SPEN: variants seen among roughly 807,000 people sequenced by gnomAD.
SPEN encodes the protein spen family transcriptional repressor, also known as msx2-interacting protein.
A neutral mutation model predicts 269.9 loss-of-function variants in SPEN; 18 were observed. That is an observed-to-expected ratio of 0.07 (90% confidence interval 0.05 to 0.10). The LOEUF is 0.10. Ranked by LOEUF, SPEN falls within the 10% of genes least tolerant of loss-of-function variation. The probability of loss-of-function intolerance (pLI) is 1.00; values close to 1 mark genes in which losing one functional copy is unlikely to be tolerated. For synonymous variants in SPEN, 1,726 were observed against 1,765.7 expected, an observed-to-expected ratio of 0.98 and a Z score of 0.56; for missense variants, 3,822 against 4,631.2, an observed-to-expected ratio of 0.83 and a Z score of 5.07.
chr1:15,931,930 G>A lies in SPEN; in HGVS notation c.5690G>A (p.Ser1897Asn), dbSNP rs951131089. The A allele has an allele frequency of 6.2e-7, 1 of 1,614,090 alleles. No individual in the cohort carries two copies. Among genetic ancestry groups the A allele is most frequent in the African/African-American group, 1.3e-5 (1 of 74,928 alleles). The change falls in exon 11 of 15, where the codon AGC becomes AAC. Residue 1897 changes from serine to asparagine, a missense_variant. By Grantham distance (46) the Ser-to-Asn change is conservative. Around this residue, in one of 16 missense-constraint regions of SPEN, gnomAD observed 533 missense variants for 618.8 expected, o/e 0.86. Transcript: ENST00000375759. This position sits in a 1 kb window ranked among gnomAD's most constrained non-coding sequence, Gnocchi z 4.8. ...LEHPEPSLPLSRTRRRNVRSV... is the reference protein window; with the variant it reads ...LEHPEPSLPLNRTRRRNVRSV... ...CATCCCGAACCAAGTTTGCCTCTCAGCCGAACAAGGCGCCGGAATGTAAGG... is the reference window on the plus strand; with the variant it reads ...CATCCCGAACCAAGTTTGCCTCTCAACCGAACAAGGCGCCGGAATGTAAGG...
chr1:15,874,491 T>G, intron 2 of SPEN: 1 of 926,692 alleles, frequency 1.1e-6, no homozygotes, highest in Non-Finnish European at 1.5e-6. Context: ...TTAGTACTAA[T>G]AGTGAATCAG....
At chr1:15,869,345 CG>C (rs1328603021) in intron 1 of SPEN, among the ~76,000 whole-genome samples, 1 of 152,066 alleles carries the variant, frequency 6.6e-6, no homozygotes, top group Non-Finnish European at 1.5e-5. Flanking sequence ...TGTGAGCCAC[CG>C]TGCCCGGCCC....
chr1:15,858,253 A>AG (rs2070406996), intron 1 of SPEN, among the ~76,000 whole-genome samples: 2 of 2,758 alleles, frequency 7.3e-4, no homozygotes, highest in Non-Finnish European at 2.4e-3. Flanking sequence ...TGGGCCCAGC[A>AG]AAAAAAAAAA....
chr1:15,920,883 G>A lies in SPEN; in HGVS notation c.1649G>A (p.Arg550His), dbSNP rs772371033. 1.1e-4 allele frequency: 174 copies of A among 1,606,746 alleles called. No homozygotes were observed. The highest frequency in any genetic ancestry group is 1.3e-4 in the Non-Finnish European group (155 of 1,176,888). The part of the protein sequence containing the change: ...YGPVVKVVFD[R>H]LKGMALVLYN... The stretch of plus-strand genomic sequence containing the variant: ...TTTGTTTTACAGGTGGTGTTTGACC[G>A]CTTAAAAGGCATGGCCCTGGTTCTC... Residue 550 changes from arginine (R) to histidine (H), a missense_variant, in exon 9 of 15, where the codon CGC becomes CAC. Transcript: ENST00000375759.
intron 5 of SPEN, among the ~76,000 whole-genome samples, chr1:15,914,830 A>G (rs554671273): frequency 2.6e-5 from 4 of 152,274 alleles, no homozygotes; most frequent in African/African-American, 9.6e-5. Context: ...ATCTCAAAGA[A>G]AAAAAAGAAG....
intron 3 of SPEN, among the ~76,000 whole-genome samples, chr1:15,877,666 G>A (rs1016001195): frequency 1.3e-5 from 2 of 151,708 alleles, no homozygotes; most frequent in South Asian, 4.1e-4. Context: ...TCACAGATCT[G>A]GGTATGTGGT....
intron 1 of SPEN, among the ~76,000 whole-genome samples, chr1:15,852,301 C>G (rs938800825): frequency 6.6e-6 from 1 of 152,080 alleles, no homozygotes; most frequent in Non-Finnish European, 1.5e-5. Flanking sequence ...ACCCCCATCC[C>G]GTCTATGAAA....
At chr1:15,886,588 G>A (rs2070738481) in intron 3 of SPEN, among the ~76,000 whole-genome samples, 1 of 152,190 alleles carries the variant, frequency 6.6e-6, no homozygotes, top group African/African-American at 2.4e-5. Flanking sequence ...TAGCCAGGGT[G>A]AACGCCCGAC....
In SPEN at chr1:15,930,597, T is replaced by C; in HGVS notation, c.4357T>C (p.Ser1453Pro). Residue 1453 changes from serine to proline, a missense_variant, in exon 11 of 15, where the codon TCC (serine) becomes CCC (proline). Ser to Pro is a moderately conservative substitution (Grantham distance 74). Coordinates refer to ENST00000375759, the MANE Select transcript of SPEN (RefSeq NM_015001.3). The surrounding 1 kb of genome is among the most constrained non-coding windows in gnomAD (Gnocchi z 5.3). ...DTKALLERAK[S>P]LSSSREENWS... is the part of the protein sequence containing the mutation. ...TAAAGCTTTGCTTGAAAGAGCTAAATCCCTCTCTTCATCTCGTGAAGAAAA... is the reference window on the plus strand; with the variant it reads ...TAAAGCTTTGCTTGAAAGAGCTAAACCCCTCTCTTCATCTCGTGAAGAAAA... The C allele has an allele frequency of 6.2e-7, 1 of 1,614,154 alleles. No homozygotes were observed. Among genetic ancestry groups the C allele is most frequent in the Non-Finnish European group, 8.5e-7 (1 of 1,179,992 alleles).
chr1:15,877,554 G>A (rs1311556645), intron 3 of SPEN, among the ~76,000 whole-genome samples: 6 of 152,082 alleles, frequency 3.9e-5, no homozygotes, highest in Admixed American at 3.3e-4. Flanking sequence ...GCATGAGCCA[G>A]AGTGCCCAGC....
chr1:15,909,718 A>G (rs2070993554), intron 4 of SPEN, among the ~76,000 whole-genome samples: 1 of 152,226 alleles, frequency 6.6e-6, no homozygotes, highest in Admixed American at 6.5e-5. Flanking sequence ...TTACTCCTAC[A>G]TTGGTCATGT....
At chr1:15,936,734 C>T (rs955966734) in intron 11 of SPEN, among the ~76,000 whole-genome samples, 1 of 151,996 alleles carries the variant, frequency 6.6e-6, no homozygotes, top group African/African-American at 2.4e-5. Context: ...GTCAGGAGTT[C>T]AAGACCAGCT....
intron 3 of SPEN, among the ~76,000 whole-genome samples, chr1:15,877,738 CTTTTTTTTTTTTT>C (rs777782248): frequency 7.5e-5 from 8 of 106,836 alleles, no homozygotes; most frequent in South Asian, 6.2e-4. Context: ...TCAGCTTTCC[CTTTTTTTTTTTTT>C]TTTTTTTTTT....
At chr1:15,938,654 G>T in intron 13 of SPEN, 64 bp from the exon 14 acceptor site, 3 of 1,530,870 alleles carry the variant, frequency 2.0e-6, no homozygotes, top group Non-Finnish European at 2.7e-6. Flanking sequence ...GATACTGTGG[G>T]TTGGATGTGG....
In SPEN at chr1:15,922,245, A is replaced by T. The variant is rs746134185; in HGVS notation, c.1750-4A>T. The T allele has an allele frequency of 4.2e-4, 621 of 1,471,466 alleles. No homozygotes were observed. Among genetic ancestry groups the T allele is most frequent in the Admixed American group, 8.5e-4 (40 of 46,912 alleles). 91.2% of individuals were successfully genotyped at this position (1,471,466 alleles called of 1,614,324 possible). A position where few individuals can be genotyped will look rare whatever the true frequency, so the allele number is the denominator to read the frequency against. On this transcript the variant is annotated splice_region_variant and splice_polypyrimidine_tract_variant and intron_variant, in intron 9 of 14. Coordinates refer to ENST00000375759, the MANE Select transcript of SPEN (RefSeq NM_015001.3). ...GCATCAAACACCTCTTTTTTTTTTT[A>T]AAGGTGGATTTTGCAAATCGGGAAA...
chr1:15,932,246 T>A lies in SPEN; in HGVS notation c.6006T>A (p.Asn2002Lys). ...GACCCCAAGGGAAAAAGGGAAAAAA[T>A]GAACCGAAGGTGGATGCTACACGTC... is the stretch of plus-strand genomic sequence containing the variant. ...GGGPQGKKGK[N>K]EPKVDATRPE... Residue 2002 changes from asparagine (N) to lysine (K), a missense_variant, in exon 11 of 15, where the codon AAT becomes AAA. Coordinates refer to ENST00000375759, the MANE Select transcript of SPEN (RefSeq NM_015001.3). This position sits in a 1 kb window ranked among gnomAD's most constrained non-coding sequence, Gnocchi z 4.2. 2 of 1,611,052 alleles carry A rather than the reference T, an allele frequency of 1.2e-6. No individual in the cohort carries two copies. The highest frequency in any genetic ancestry group is 1.7e-6 in the Non-Finnish European group (2 of 1,178,996).
At chr1:15,879,161 T>C (rs1014842246) in intron 3 of SPEN, among the ~76,000 whole-genome samples, 5 of 151,836 alleles carry the variant, frequency 3.3e-5, no homozygotes, top group Admixed American at 3.3e-4. Context: ...TGGTCAATGG[T>C]GAAACCCTGT....
rs1557758025 is a variant in SPEN, at chr1:15,928,250, A to G, written c.2010A>G (p.Glu670=). ...EWETYQGDYY[E]SRYYDDPREY... ...AAACTTACCAAGGAGACTACTATGA[A>G]TCACGATACTACGATGATCCTCGGG... Residue 670 remains glutamate (E), a synonymous_variant, in exon 11 of 15, where the codon GAA becomes GAG. Coordinates refer to ENST00000375759, the MANE Select transcript of SPEN (RefSeq NM_015001.3). This position sits in a 1 kb window ranked among gnomAD's most constrained non-coding sequence, Gnocchi z 5.7. 2 of 1,614,198 alleles carry G rather than the reference A, an allele frequency of 1.2e-6. No homozygotes were observed. The highest frequency in any genetic ancestry group is 2.2e-5 in the East Asian group (1 of 44,884).
At chr1:15,907,836 C>T (rs955120777) in intron 3 of SPEN, among the ~76,000 whole-genome samples, 4 of 152,142 alleles carry the variant, frequency 2.6e-5, no homozygotes, top group African/African-American at 9.7e-5. Flanking sequence ...AGTTCTTAGG[C>T]ATAATAAAGT....
Sources: allele counts gnomAD v4.1 joint callset (sites outside exome capture counted in the v4.1 genomes callset), GRCh38; gene constraint gnomAD v4.1.1; regional missense constraint gnomAD v4.1.1; non-coding constraint Gnocchi (gnomAD v3.1); transcripts MANE v1.5; gene names NCBI Gene and HGNC (gene_info 2026-07-23, HGNC 2026-07-21).